Variants in CTNNA2 observed in about 807,000 individuals in gnomAD.
CTNNA2 encodes the protein catenin alpha 2, also known as catenin alpha-2.
In CTNNA2, 42 loss-of-function variants were observed where a neutral mutation model predicts 101.0. The observed-to-expected ratio is 0.42, with a 90% CI of 0.32 to 0.54. The LOEUF is 0.54. Ranked by LOEUF, CTNNA2 falls within the 20% of genes least tolerant of loss-of-function variation. The probability of loss-of-function intolerance (pLI) is 0.14; values close to 1 mark genes in which losing one functional copy is unlikely to be tolerated. For synonymous variants in CTNNA2, 450 were observed against 456.4 expected, an observed-to-expected ratio of 0.99 and a Z score of 0.18; for missense variants, 871 against 1,223.1, an observed-to-expected ratio of 0.71 and a Z score of 4.29.
intron 7 of CTNNA2, among the ~76,000 whole-genome samples, chr2:80,050,904 G>T (rs13384537): frequency 1.7e-3 from 254 of 151,692 alleles, no homozygotes; most frequent in Admixed American, 3.6e-3. Context: ...TTTGTTTTTC[G>T]TAGCGATGGA....
rs77534809 is a variant in CTNNA2, at chr2:79,737,544, A to G, written c.103-6843A>G. Among the ~76,000 whole-genome samples, 1,491 of 152,306 alleles carry G rather than the reference A, an allele frequency of 9.8e-3. 62 individuals carry two copies. In the East Asian group the frequency reaches 0.11, roughly 12 times the overall value. On this transcript the variant is annotated intron_variant, in intron 2 of 18. Coordinates refer to ENST00000402739, the MANE Select transcript of CTNNA2 (RefSeq NM_001282597.3). ...AGGGTCCAGAAATTTGCCTTCTTAC[A>G]GGAATCTAGGGGAATGTTAGGGATG...
At chr2:79,726,604 GGTGGAAAAATTGTTGC>G (rs1381755854) in intron 2 of CTNNA2, among the ~76,000 whole-genome samples, 1 of 152,130 alleles carries the variant, frequency 6.6e-6, no homozygotes, top group African/African-American at 2.4e-5. Context: ...ACATTCCCCC[GGTGGAAAAATTGTTGC>G]CCATGAAACT....
intron 4 of CTNNA2, among the ~76,000 whole-genome samples, chr2:79,410,780 G>T (rs1266845711): frequency 5.4e-5 from 8 of 149,402 alleles, no homozygotes; most frequent in Non-Finnish European, 1.0e-4. Flanking sequence ...TTGTGTCTCT[G>T]CCCGGCTTTG....
At chr2:79,270,222 A>C in intron 2 of CTNNA2, among the ~76,000 whole-genome samples, 1 of 152,096 alleles carries the variant, frequency 6.6e-6, no homozygotes, top group African/African-American at 2.4e-5. Context: ...CTATATCTCA[A>C]GGAAACTGTA....
chr2:80,581,113 G>C (rs2149717211), intron 13 of CTNNA2, among the ~76,000 whole-genome samples: 1 of 152,250 alleles, frequency 6.6e-6, no homozygotes, highest in South Asian at 2.1e-4. Flanking sequence ...AATCTTCACA[G>C]CAATCATAGA....
chr2:79,808,360 T>C (rs972403095), intron 3 of CTNNA2, among the ~76,000 whole-genome samples: 1 of 152,280 alleles, frequency 6.6e-6, no homozygotes, highest in East Asian at 1.9e-4. Flanking sequence ...AGGAGTTCCA[T>C]TGCCAAAATT....
chr2:79,902,920 C>G (rs184159135), intron 6 of CTNNA2, among the ~76,000 whole-genome samples: 2 of 152,142 alleles, frequency 1.3e-5, no homozygotes, highest in African/African-American at 4.8e-5. Flanking sequence ...CCACTGCGCC[C>G]GGTCAGCAAA....
At chr2:79,733,022 C>T (rs188121044) in intron 2 of CTNNA2, among the ~76,000 whole-genome samples, 48 of 152,240 alleles carry the variant, frequency 3.2e-4, no homozygotes, top group African/African-American at 9.4e-4. Flanking sequence ...CAACTTCAAA[C>T]GAGAGTGAAA....
chr2:80,425,256 C>G (rs1469878122), intron 9 of CTNNA2, among the ~76,000 whole-genome samples: 1 of 152,138 alleles, frequency 6.6e-6, no homozygotes, highest in Non-Finnish European at 1.5e-5. Context: ...GTAGGCTACT[C>G]CGTCATGTCA....
At chr2:80,369,844 C>T (rs551217896) in intron 7 of CTNNA2, among the ~76,000 whole-genome samples, 69 of 152,136 alleles carry the variant, frequency 4.5e-4, no homozygotes, top group Non-Finnish European at 8.1e-4. Context: ...TGGGCTGTTT[C>T]CAGAAGCAGG....
chr2:79,820,004 C>A (rs1677876896), intron 3 of CTNNA2, among the ~76,000 whole-genome samples: 1 of 152,044 alleles, frequency 6.6e-6, no homozygotes, highest in South Asian at 2.1e-4. Context: ...TAAGGAAAAT[C>A]TTAGTTCATC....
chr2:79,211,640 C>G (rs1228137281), intron 2 of CTNNA2, among the ~76,000 whole-genome samples: 3 of 152,028 alleles, frequency 2.0e-5, no homozygotes, highest in Non-Finnish European at 2.9e-5. Context: ...CAGGAACAGG[C>G]CATTTTCATT....
chr2:79,311,347 T>C (rs1455873186), intron 2 of CTNNA2, among the ~76,000 whole-genome samples: 1 of 141,548 alleles, frequency 7.1e-6, no homozygotes, highest in Non-Finnish European at 1.5e-5. Flanking sequence ...AAGCGGAGCT[T>C]GCAGTGAGCC....
At chr2:80,175,082 A>T (rs930651937) in intron 7 of CTNNA2, among the ~76,000 whole-genome samples, 8 of 151,544 alleles carry the variant, frequency 5.3e-5, no homozygotes, top group Non-Finnish European at 1.2e-4. Flanking sequence ...CTCAAGACTG[A>T]CTTCACCTCT....
chr2:80,239,484 C>T (rs996197614), intron 7 of CTNNA2, among the ~76,000 whole-genome samples: 1 of 152,164 alleles, frequency 6.6e-6, no homozygotes. Context: ...GAATACGTTC[C>T]AAGCCCCGCA....
At chr2:79,340,286 G>A (rs1366641762) in intron 3 of CTNNA2, 1 of 152,096 alleles carries the variant, frequency 6.6e-6, no homozygotes, top group Non-Finnish European at 1.5e-5. Flanking sequence ...CTACTTAATG[G>A]CTCATAAGAC....
chr2:79,701,714 G>T (rs1271758819), intron 2 of CTNNA2, among the ~76,000 whole-genome samples: 1 of 152,124 alleles, frequency 6.6e-6, no homozygotes, highest in Non-Finnish European at 1.5e-5. Context: ...TGTTAAAGAG[G>T]ATGTAGGCCG....
chr2:79,761,587 G>A (rs1475967412), intron 3 of CTNNA2, among the ~76,000 whole-genome samples: 2 of 152,148 alleles, frequency 1.3e-5, no homozygotes, highest in African/African-American at 2.4e-5. Flanking sequence ...TGTATGGGCT[G>A]CATAAAGGAA....
At chr2:79,588,189 C>T (rs1396419126) in intron 1 of CTNNA2, among the ~76,000 whole-genome samples, 7 of 152,322 alleles carry the variant, frequency 4.6e-5, no homozygotes, top group South Asian at 2.1e-4. Context: ...TTGAGTATAT[C>T]TGATATCTTC....
Sources: allele counts gnomAD v4.1 joint callset (sites outside exome capture counted in the v4.1 genomes callset), GRCh38; gene constraint gnomAD v4.1.1; transcripts MANE v1.5; gene names NCBI Gene and HGNC (gene_info 2026-07-23, HGNC 2026-07-21).